LRRC20: variants seen among roughly 807,000 people sequenced by gnomAD.
LRRC20 encodes the protein leucine rich repeat containing 20.
A neutral mutation model predicts 14.4 loss-of-function variants in LRRC20; 11 were observed. That is an observed-to-expected ratio of 0.77 (90% CI 0.48 to 1.27). The LOEUF (loss-of-function observed/expected upper bound fraction) is 1.27, where lower values mean the gene tolerates loss of function less well. Ranked by LOEUF, LRRC20 falls within the 50% of genes most tolerant of loss-of-function variation. The pLI is 0.00. For missense variants in LRRC20, 219 were observed against 251.2 expected, an observed-to-expected ratio of 0.87 and a Z score of 0.87; for synonymous variants, 121 against 107.3, an observed-to-expected ratio of 1.13 and a Z score of -0.79.
chr10:70,373,690 C>G (rs1008462971), intron 2 of LRRC20, among the ~76,000 whole-genome samples: 1 of 152,236 alleles, frequency 6.6e-6, no homozygotes, highest in African/African-American at 2.4e-5. Context: ...ATCGCCATGG[C>G]TAAAGGCTCT....
At chr10:70,369,285 A>AC (rs368563978) in intron 2 of LRRC20, among the ~76,000 whole-genome samples, 247 of 151,882 alleles carry the variant, frequency 1.6e-3, no homozygotes, top group African/African-American at 5.8e-3. Context: ...CCTCATCCCC[A>AC]CCCCCATCCC....
intron 2 of LRRC20, among the ~76,000 whole-genome samples, chr10:70,344,652 G>A (rs1337834634): frequency 1.3e-5 from 2 of 152,020 alleles, no homozygotes; most frequent in African/African-American, 2.4e-5. Flanking sequence ...CTGCAGCCTC[G>A]AACTCCTGGG....
At chr10:70,375,500 T>C (rs1041814521) in intron 2 of LRRC20, among the ~76,000 whole-genome samples, 1 of 152,082 alleles carries the variant, frequency 6.6e-6, no homozygotes, top group African/African-American at 2.4e-5. Context: ...CTGACTGCCT[T>C]TCCAGTCTCT....
intron 2 of LRRC20, among the ~76,000 whole-genome samples, chr10:70,346,216 G>A (rs1314122248): frequency 6.6e-6 from 1 of 152,086 alleles, no homozygotes; most frequent in Non-Finnish European, 1.5e-5. Flanking sequence ...CAGCCTAGGC[G>A]ACAGAATGAC....
chr10:70,379,399 CA>C (rs1177276391), intron 1 of LRRC20, among the ~76,000 whole-genome samples: 2 of 152,134 alleles, frequency 1.3e-5, no homozygotes, highest in Admixed American at 6.5e-5. Context: ...AGAGGGGAGG[CA>C]AATCAGCTAG....
At chr10:70,361,744 G>A (rs1043683679) in intron 2 of LRRC20, among the ~76,000 whole-genome samples, 3 of 142,332 alleles carry the variant, frequency 2.1e-5, no homozygotes, top group Admixed American at 7.0e-5. Flanking sequence ...TCTGCAGAAC[G>A]GTACACAGAC....
intron 4 of LRRC20, among the ~76,000 whole-genome samples, chr10:70,322,519 GC>G (rs1842127998): frequency 6.6e-6 from 1 of 152,048 alleles, no homozygotes; most frequent in Admixed American, 6.5e-5. Flanking sequence ...GCACTTCTGG[GC>G]AGGCTCCTTC....
intron 2 of LRRC20, among the ~76,000 whole-genome samples, chr10:70,343,004 T>C (rs528715581): frequency 1.8e-4 from 28 of 152,210 alleles, no homozygotes; most frequent in Non-Finnish European, 3.4e-4. Flanking sequence ...CAATAAAATA[T>C]GGTTTTAAAA....
chr10:70,339,600 C>T (rs1013574463), intron 3 of LRRC20, among the ~76,000 whole-genome samples: 7 of 152,152 alleles, frequency 4.6e-5, no homozygotes, highest in African/African-American at 1.7e-4. Context: ...AACAGGCGCC[C>T]ATGCCACAGC....
chr10:70,329,771 C>T (rs1208087069), intron 3 of LRRC20, among the ~76,000 whole-genome samples: 1 of 152,028 alleles, frequency 6.6e-6, no homozygotes, highest in Non-Finnish European at 1.5e-5. Flanking sequence ...CCCCATGTTG[C>T]CCAGGCTGGT....
chr10:70,305,043 G>A (rs1841368535), intron 4 of LRRC20, among the ~76,000 whole-genome samples: 2 of 152,162 alleles, frequency 1.3e-5, no homozygotes, highest in Non-Finnish European at 2.9e-5. Context: ...AATTAGCCGG[G>A]TGTGGTGGCA....
intron 2 of LRRC20, among the ~76,000 whole-genome samples, chr10:70,369,791 G>A (rs1363083513): frequency 3.3e-5 from 5 of 151,942 alleles, no homozygotes; most frequent in Non-Finnish European, 7.4e-5. Flanking sequence ...ATTTAATAAG[G>A]GCAAGTCCAA....
Position 70,301,089 on chromosome 10 carries a change from A to G in LRRC20, c.*265T>C, listed in dbSNP as rs1841160806. 2 of 1,264,914 alleles carry G rather than the reference A, an allele frequency of 1.6e-6. No homozygotes were observed. The highest frequency in any genetic ancestry group is 3.0e-4 in the Middle Eastern group (1 of 3,352). 78.4% of individuals were successfully genotyped at this position (1,264,914 alleles called of 1,614,324 possible). A position where few individuals can be genotyped will look rare whatever the true frequency, so the allele number is the denominator to read the frequency against. On this transcript the variant is annotated 3_prime_UTR_variant, in exon 5 of 5. Coordinates refer to ENST00000446961, the MANE Select transcript of LRRC20 (RefSeq NM_001278212.2). ...TTTTTTCAAGTGACAAGGCTCAGAG[A>G]GGGCAGGAGATCTGCCTGAGTTTGC...
At chr10:70,328,288 TTTTTTG>T (rs1842401502) in intron 3 of LRRC20, among the ~76,000 whole-genome samples, 1 of 31,688 alleles carries the variant, frequency 3.2e-5, no homozygotes, top group Non-Finnish European at 6.4e-5. Context: ...GTAATCTTTG[TTTTTTG>T]TTTTTTGGCG....
chr10:70,362,743 C>G (rs1843788965), intron 2 of LRRC20, among the ~76,000 whole-genome samples: 1 of 152,202 alleles, frequency 6.6e-6, no homozygotes, highest in South Asian at 2.1e-4. Context: ...GCAGTTTTGC[C>G]CCCAGGGGAC....
At chr10:70,356,363 G>A (rs1191119740) in intron 2 of LRRC20, among the ~76,000 whole-genome samples, 3 of 151,952 alleles carry the variant, frequency 2.0e-5, no homozygotes, top group African/African-American at 7.2e-5. Flanking sequence ...AATACAAAAA[G>A]TAGCTGGGTG....
At chr10:70,316,294 G>A (rs1300324298) in intron 4 of LRRC20, among the ~76,000 whole-genome samples, 1 of 152,070 alleles carries the variant, frequency 6.6e-6, no homozygotes, top group Non-Finnish European at 1.5e-5. Flanking sequence ...CACCACACCT[G>A]GCTAATTTTT....
intron 4 of LRRC20, 64 bp downstream of exon 4, chr10:70,323,799 G>A: frequency 6.4e-7 from 1 of 1,571,798 alleles, no homozygotes. Context: ...GTCGACTCCA[G>A]AGTCCTGTGG....
At chr10:70,333,746 G>A (rs10999275) in intron 3 of LRRC20, among the ~76,000 whole-genome samples, 45,756 of 152,184 alleles carry the variant, frequency 0.3, 7,296 homozygotes, top group East Asian at 0.48. Context: ...GTACCAGGTA[G>A]GAACTCTTGA....
Sources: gnomAD v4.1 joint callset for allele counts (sites outside exome capture counted in the v4.1 genomes callset) on GRCh38, gnomAD v4.1.1 for gene constraint, MANE v1.5 for transcripts, NCBI Gene and HGNC (gene_info 2026-07-23, HGNC 2026-07-21) for gene names.